HS3ST4: variants seen among roughly 807,000 people sequenced by gnomAD.
The protein encoded by HS3ST4 is heparan sulfate glucosamine 3-O-sulfotransferase 4.
A neutral mutation model predicts 29.2 loss-of-function variants in HS3ST4; 17 were observed. The observed-to-expected ratio is 0.58, with a 90% CI of 0.40 to 0.87. HS3ST4 has a LOEUF of 0.87. Among genes scored for constraint, HS3ST4 ranks in the 40% least tolerant of loss-of-function variants. HS3ST4 has a pLI of 0.00. For missense variants in HS3ST4, 627 were observed against 634.5 expected (o/e 0.99, Z 0.13); for synonymous variants, 314 against 285.7 (o/e 1.10, Z -1.00).
intron 1 of HS3ST4, among the ~76,000 whole-genome samples, chr16:26,084,799 A>C (rs1433853220): frequency 6.6e-6 from 1 of 151,954 alleles, no homozygotes; most frequent in Non-Finnish European, 1.5e-5. Context: ...TTGTAGAGAC[A>C]GGGCCTTATT....
chr16:25,895,566 A>G (rs1410882120), intron 1 of HS3ST4, among the ~76,000 whole-genome samples: 2 of 152,090 alleles, frequency 1.3e-5, no homozygotes, highest in Non-Finnish European at 2.9e-5. Flanking sequence ...GGGCTGCTGT[A>G]ACTGGATGCT....
intron 1 of HS3ST4, among the ~76,000 whole-genome samples, chr16:25,990,392 T>C (rs1258955510): frequency 1.3e-5 from 2 of 152,224 alleles, no homozygotes; most frequent in Non-Finnish European, 2.9e-5. Flanking sequence ...ATGAGAGTGG[T>C]TGTTGCTCCA....
intron 1 of HS3ST4, among the ~76,000 whole-genome samples, chr16:25,868,821 C>A (rs1967721044): frequency 6.6e-6 from 1 of 152,152 alleles, no homozygotes; most frequent in South Asian, 2.1e-4. Flanking sequence ...GGTTAATAAA[C>A]ACGGCATCTT....
At chr16:26,015,932 T>C (rs181112498) in intron 1 of HS3ST4, among the ~76,000 whole-genome samples, 2 of 152,246 alleles carry the variant, frequency 1.3e-5, no homozygotes, top group East Asian at 3.9e-4. Context: ...TTTTTAGTTG[T>C]CACAGCTGGG....
At chr16:25,907,208 A>G (rs112841058) in intron 1 of HS3ST4, among the ~76,000 whole-genome samples, 13,620 of 152,158 alleles carry the variant, frequency 0.09, 885 homozygotes, top group Non-Finnish European at 0.12. Context: ...AAATATTAAA[A>G]TTAAAATAAA....
At chr16:26,099,676 C>T (rs993667605) in intron 1 of HS3ST4, among the ~76,000 whole-genome samples, 2 of 152,016 alleles carry the variant, frequency 1.3e-5, no homozygotes, top group Non-Finnish European at 2.9e-5. Flanking sequence ...TACTGAGGGC[C>T]AAATATGTCC....
chr16:25,805,293 A>G (rs1452220705), intron 1 of HS3ST4, among the ~76,000 whole-genome samples: 1 of 152,150 alleles, frequency 6.6e-6, no homozygotes, highest in Non-Finnish European at 1.5e-5. Flanking sequence ...AACAGAATTC[A>G]TTGATTTTGG....
intron 1 of HS3ST4, among the ~76,000 whole-genome samples, chr16:25,983,990 T>G (rs1969036343): frequency 6.6e-6 from 1 of 152,178 alleles, no homozygotes; most frequent in South Asian, 2.1e-4. Context: ...CATGGGGCAG[T>G]GATGTTTTGA....
chr16:25,726,994 A>T (rs1276619432), intron 1 of HS3ST4, among the ~76,000 whole-genome samples: 1 of 152,122 alleles, frequency 6.6e-6, no homozygotes, highest in Non-Finnish European at 1.5e-5. Context: ...CCCACATGGC[A>T]CAATTGTCAG....
intron 1 of HS3ST4, among the ~76,000 whole-genome samples, chr16:25,935,452 A>C (rs1162597663): frequency 6.6e-6 from 1 of 152,066 alleles, no homozygotes; most frequent in African/African-American, 2.4e-5. Flanking sequence ...TGTCCTAAAA[A>C]TCCTCTGTGC....
intron 1 of HS3ST4, among the ~76,000 whole-genome samples, chr16:25,778,450 C>A (rs1171518989): frequency 1.3e-5 from 2 of 152,222 alleles, no homozygotes; most frequent in Non-Finnish European, 2.9e-5. Context: ...ACAGCTCAAA[C>A]AAGTACTAGG....
chr16:26,124,109 G>A (rs544929774), intron 1 of HS3ST4, among the ~76,000 whole-genome samples: 3 of 152,052 alleles, frequency 2.0e-5, no homozygotes, highest in East Asian at 3.9e-4. Flanking sequence ...TAGTAGAGAC[G>A]GGGTTTCTCC....
chr16:25,778,925 T>C lies in HS3ST4; in HGVS notation c.734+85774T>C, dbSNP rs557175457. Among the ~76,000 whole-genome samples, 5 of 152,336 alleles carry C rather than the reference T, an allele frequency of 3.3e-5. No individual in the cohort carries two copies. In the South Asian group the frequency reaches 1.0e-3, roughly 32 times the overall value. ...AAATCTTACCTGATTCTCCAGACTGTTAGTTTACCACATGGATTTTGGACT... is the reference window on the plus strand; with the variant it reads ...AAATCTTACCTGATTCTCCAGACTGCTAGTTTACCACATGGATTTTGGACT... On this transcript the variant is annotated intron_variant, in intron 1 of 1. Transcript: ENST00000331351.
intron 1 of HS3ST4, among the ~76,000 whole-genome samples, chr16:26,119,945 A>G (rs377685721): frequency 7.9e-5 from 12 of 152,218 alleles, no homozygotes; most frequent in African/African-American, 2.9e-4. Flanking sequence ...GTGAAAGAGA[A>G]CGTTTTTAGG....
intron 1 of HS3ST4, among the ~76,000 whole-genome samples, chr16:25,748,023 T>TTGG (rs1451038866): frequency 1.3e-5 from 2 of 152,098 alleles, no homozygotes; most frequent in African/African-American, 4.8e-5. Context: ...GAAGCTGCAG[T>TTGG]TGGTGGTGGT....
chr16:26,064,213 G>C (rs776865515), intron 1 of HS3ST4, among the ~76,000 whole-genome samples: 11 of 152,182 alleles, frequency 7.2e-5, no homozygotes, highest in Non-Finnish European at 1.2e-4. Flanking sequence ...GGAATGCCCA[G>C]TGTAGCCAAA....
chr16:26,037,395 T>G (rs1969593160), intron 1 of HS3ST4, among the ~76,000 whole-genome samples: 1 of 152,196 alleles, frequency 6.6e-6, no homozygotes, highest in African/African-American at 2.4e-5. Context: ...TTAAGGAATA[T>G]AGAGCCTGTG....
chr16:25,795,661 C>T (rs16975221), intron 1 of HS3ST4, among the ~76,000 whole-genome samples: 1 of 152,066 alleles, frequency 6.6e-6, no homozygotes, highest in Non-Finnish European at 1.5e-5. Context: ...GTATATCAAA[C>T]TGTAGGGTTT....
At chr16:26,031,931 A>G (rs1969535111) in intron 1 of HS3ST4, among the ~76,000 whole-genome samples, 1 of 152,198 alleles carries the variant, frequency 6.6e-6, no homozygotes, top group African/African-American at 2.4e-5. Context: ...GAGGGTTGAC[A>G]TTTCACATTT....
Sources: gnomAD v4.1 joint callset for allele counts (sites outside exome capture counted in the v4.1 genomes callset) on GRCh38, gnomAD v4.1.1 for gene constraint, MANE v1.5 for transcripts, NCBI Gene and HGNC (gene_info 2026-07-23, HGNC 2026-07-21) for gene names.